Variants in WDPCP observed in about 807,000 individuals in gnomAD.
The protein encoded by WDPCP is WD repeat-containing and planar cell polarity effector protein fritz homolog.
In WDPCP, 71 loss-of-function variants were observed where a neutral mutation model predicts 93.1. That is an observed-to-expected ratio of 0.76 (90% CI 0.63 to 0.93). WDPCP has a LOEUF of 0.93. Ranked by LOEUF, WDPCP falls within the 40% of genes least tolerant of loss-of-function variation. The pLI is 0.00. For synonymous variants in WDPCP, 315 were observed against 315.0 expected (o/e 1.00, Z 0.00); for missense variants, 844 against 887.4 (o/e 0.95, Z 0.62).
intron 2 of WDPCP, among the ~76,000 whole-genome samples, chr2:63,697,913 G>T (rs1356711955): frequency 6.7e-6 from 1 of 150,088 alleles, no homozygotes; most frequent in Admixed American, 6.7e-5. Flanking sequence ...GCCTCCCAAA[G>T]TGCTGGGACT....
intron 2 of WDPCP, among the ~76,000 whole-genome samples, chr2:63,740,144 A>C (rs1425308896): frequency 6.6e-6 from 1 of 152,130 alleles, no homozygotes; most frequent in Non-Finnish European, 1.5e-5. Flanking sequence ...GCTGCTACAA[A>C]CATTCTCATA....
intron 15 of WDPCP, among the ~76,000 whole-genome samples, chr2:63,160,498 A>AAATGAT (rs1427092466): frequency 6.6e-6 from 1 of 152,230 alleles, no homozygotes; most frequent in Non-Finnish European, 1.5e-5. Context: ...AAAATACATC[A>AAATGAT]AATGATATTT....
rs568957067 is a variant in WDPCP, at chr2:63,603,606, C to A, written n.488+47053G>T. ...ATTTATTTTCTGCACATAAACTTAT[C>A]AGACAAATAACAAGCAGGCTGATTT... On this transcript the variant is annotated intron_variant and non_coding_transcript_variant, in intron 3 of 4. Transcript: ENST00000467687. Among the ~76,000 whole-genome samples the A allele has an allele frequency of 5.3e-5, 8 of 150,880 alleles. No homozygotes were observed. In the East Asian group the frequency reaches 1.6e-3, roughly 29 times the overall value.
chr2:63,840,149 G>T, the WDPCP span, among the ~76,000 whole-genome samples: 1 of 152,294 alleles, frequency 6.6e-6, no homozygotes, highest in South Asian at 2.1e-4. Flanking sequence ...GCCCTGGTGC[G>T]GGCTATTTGA....
At chr2:63,821,575 CAA>C (rs1671019092) in intron 1 of WDPCP, among the ~76,000 whole-genome samples, 1 of 151,966 alleles carries the variant, frequency 6.6e-6, no homozygotes, top group Non-Finnish European at 1.5e-5. Flanking sequence ...AGCAGAGTGA[CAA>C]GATCAGATTT....
chr2:63,306,547 T>G (rs1327873747), intron 13 of WDPCP, among the ~76,000 whole-genome samples: 1 of 152,190 alleles, frequency 6.6e-6, no homozygotes, highest in African/African-American at 2.4e-5. Context: ...TCCACCATGA[T>G]CAAGTCAGCT....
At chr2:63,307,503 C>T (rs1016278294) in intron 13 of WDPCP, among the ~76,000 whole-genome samples, 13 of 152,120 alleles carry the variant, frequency 8.5e-5, no homozygotes, top group Non-Finnish European at 1.3e-4. Context: ...TACAAGTCTA[C>T]GGTAAACAAA....
At chr2:63,454,664 C>T (rs1322625296) in intron 6 of WDPCP, among the ~76,000 whole-genome samples, 1 of 151,952 alleles carries the variant, frequency 6.6e-6, no homozygotes, top group African/African-American at 2.4e-5. Flanking sequence ...TAGATGAAAA[C>T]TTCCCAAGTC....
At chr2:63,281,441 A>G (rs2104936229) in intron 13 of WDPCP, among the ~76,000 whole-genome samples, 1 of 152,340 alleles carries the variant, frequency 6.6e-6, no homozygotes, top group African/African-American at 2.4e-5. Flanking sequence ...AAGAACTAAA[A>G]GTAGAACTAC....
intron 14 of WDPCP, among the ~76,000 whole-genome samples, chr2:63,178,750 G>A (rs534520907): frequency 1.8e-4 from 27 of 151,966 alleles, no homozygotes; most frequent in Admixed American, 2.6e-4. Context: ...TTAGCTTTGG[G>A]TTTAGTTTGT....
intron 6 of WDPCP, among the ~76,000 whole-genome samples, chr2:63,457,097 C>G (rs79350868): frequency 0.015 from 2,306 of 151,962 alleles, 59 homozygotes; most frequent in African/African-American, 0.053. Context: ...CTAGAATAAC[C>G]AAGAACAAAA....
At chr2:63,586,969 T>C (rs1164323162) in intron 1 of WDPCP, among the ~76,000 whole-genome samples, 1 of 152,242 alleles carries the variant, frequency 6.6e-6, no homozygotes, top group Non-Finnish European at 1.5e-5. Context: ...GTTGGTGTAC[T>C]GCACCCATTA....
intron 1 of WDPCP, among the ~76,000 whole-genome samples, chr2:63,576,006 T>A (rs1708087560): frequency 6.6e-6 from 1 of 152,138 alleles, no homozygotes. Context: ...ATTTTATTTT[T>A]TCAATTAGAC....
At chr2:63,185,511 T>C (rs1235951745) in intron 14 of WDPCP, among the ~76,000 whole-genome samples, 2 of 152,012 alleles carry the variant, frequency 1.3e-5, no homozygotes, top group Admixed American at 6.6e-5. Context: ...AATTCCTTGG[T>C]TGTAAATTAC....
rs1363160045 is a variant in WDPCP, at chr2:63,121,250, G to GA, written c.*755dup. ...CAAATTACTCATAGCAGTAATTCGA[G>GA]AGAACCATGGAGAATTGTCTTCTAA... On this transcript the variant is annotated 3_prime_UTR_variant, in exon 18 of 18. Coordinates refer to ENST00000272321, the MANE Select transcript of WDPCP (RefSeq NM_015910.7). 6.6e-6 allele frequency: 1 copy of GA among 152,114 alleles called. No individual in the cohort carries two copies. The highest frequency in any genetic ancestry group is 6.6e-5 in the Admixed American group (1 of 15,266). The allele number at this position is 152,114 out of a possible 1,614,324, so 9.4% of individuals were successfully genotyped here. A position where few individuals can be genotyped will look rare whatever the true frequency, so the allele number is the denominator to read the frequency against.
intron 13 of WDPCP, among the ~76,000 whole-genome samples, chr2:63,272,045 G>T (rs1682703521): frequency 6.6e-6 from 1 of 152,140 alleles, no homozygotes; most frequent in Non-Finnish European, 1.5e-5. Flanking sequence ...GGGTTAGCCT[G>T]CATGGACTTA....
chr2:63,175,911 C>T (rs536742186), intron 14 of WDPCP, among the ~76,000 whole-genome samples: 24 of 152,162 alleles, frequency 1.6e-4, no homozygotes, highest in South Asian at 1.0e-3. Flanking sequence ...CAGATATCTC[C>T]GAGACCCTGC....
chr2:63,337,008 C>T (rs368417042), intron 12 of WDPCP, among the ~76,000 whole-genome samples: 1 of 151,120 alleles, frequency 6.6e-6, no homozygotes, highest in East Asian at 2.0e-4. Flanking sequence ...ATTCTCCTGC[C>T]TCGGCCTCCT....
chr2:63,502,748 T>C (rs1280028852), intron 1 of WDPCP, among the ~76,000 whole-genome samples: 1 of 151,332 alleles, frequency 6.6e-6, no homozygotes, highest in East Asian at 1.9e-4. Context: ...CTAACATATA[T>C]GAAGAAAATA....
Sources: allele counts gnomAD v4.1 joint callset (sites outside exome capture counted in the v4.1 genomes callset), GRCh38; gene constraint gnomAD v4.1.1; transcripts MANE v1.5; gene names NCBI Gene and HGNC (gene_info 2026-07-23, HGNC 2026-07-21).